Variants in NPTXR observed in about 807,000 individuals in gnomAD.
NPTXR encodes neuronal pentraxin receptor.
Under a neutral mutation model 32.2 loss-of-function variants are expected in NPTXR, and 12 were observed. The observed-to-expected ratio is 0.37, with a 90% CI of 0.24 to 0.60. The LOEUF is 0.60. Ranked by LOEUF, NPTXR falls within the 20% of genes least tolerant of loss-of-function variation. The pLI, the probability that NPTXR is intolerant of heterozygous loss-of-function variation, is 0.66. For missense variants in NPTXR, 612 were observed against 682.9 expected (o/e 0.90, Z 1.16); for synonymous variants, 323 against 315.8 (o/e 1.02, Z -0.24).
intron 3 of NPTXR, 88 bp from the exon 4 acceptor site, chr22:38,823,350 C>G: frequency 1.6e-6 from 2 of 1,253,026 alleles, no homozygotes; most frequent in Non-Finnish European, 2.2e-6. Context: ...TGGGGAGACC[C>G]ATGTCCATCC....
intron 1 of NPTXR, among the ~76,000 whole-genome samples, chr22:38,836,130 A>T (rs1352107943): frequency 6.6e-6 from 1 of 152,214 alleles, no homozygotes; most frequent in Non-Finnish European, 1.5e-5. Flanking sequence ...GAATGTTTTT[A>T]AAATGACCAT....
chr22:38,830,496 G>A (rs971789264), intron 1 of NPTXR, among the ~76,000 whole-genome samples: 3 of 152,180 alleles, frequency 2.0e-5, no homozygotes, highest in African/African-American at 7.2e-5. Flanking sequence ...ACTAGGGTGA[G>A]TTAACTAAGA....
At position 38,821,863 on chromosome 22, in the gene NPTXR, G is replaced by T. The variant is rs1271378102; in HGVS notation, c.*746C>A. The T allele has an allele frequency of 6.5e-6, 1 of 153,368 alleles. No homozygotes were observed. Among genetic ancestry groups the T allele is most frequent in the African/African-American group, 2.4e-5 (1 of 41,456 alleles). The allele number at this position is 153,368 out of a possible 1,614,324, so 9.5% of individuals were successfully genotyped here. A position where few individuals can be genotyped will look rare whatever the true frequency, so the allele number is the denominator to read the frequency against. ...TGGAGGGAGAGCGATGACTATACCA[G>T]TGGCCATCACTATGGGTGAGCACAA... On this transcript the variant is annotated 3_prime_UTR_variant, in exon 5 of 5. Transcript: ENST00000333039.
At position 38,843,121 on chromosome 22, in the gene NPTXR, G is replaced by T; in HGVS notation, c.624+114C>A. The T allele has an allele frequency of 3.7e-6, 4 of 1,067,824 alleles. No homozygotes were observed. The highest frequency in any genetic ancestry group is 3.6e-6 in the Non-Finnish European group (3 of 841,456). The allele number at this position is 1,067,824 out of a possible 1,614,324, so 66.1% of individuals were successfully genotyped here. Reference sequence around the variant, plus strand: ...CCCGCCTCGCCAGCGAGGAAGGCGCGATCGTCCCCGGAACACAGACGGGAG... The same window carrying T: ...CCCGCCTCGCCAGCGAGGAAGGCGCTATCGTCCCCGGAACACAGACGGGAG... On this transcript the variant is annotated intron_variant, in intron 1 of 4. Coordinates refer to ENST00000333039, the MANE Select transcript of NPTXR (RefSeq NM_014293.4). The surrounding 1 kb of genome is among the most constrained non-coding windows in gnomAD (Gnocchi z 5.3).
intron 1 of NPTXR, among the ~76,000 whole-genome samples, chr22:38,839,814 C>T (rs1344121323): frequency 6.6e-6 from 1 of 152,116 alleles, no homozygotes; most frequent in Admixed American, 6.5e-5. Flanking sequence ...TAGAAACAAC[C>T]TACATCTCCA....
chr22:38,843,312 GC>G lies in NPTXR; in HGVS notation c.546del (p.Trp184GlyfsTer32). ...AGAATGAGCGCAGGCGAGTCCCAGG[GC>G]CCGTCGGCCATGGTGTCGCGGCGGG... is the stretch of plus-strand genomic sequence containing the variant. On this transcript the variant is annotated frameshift_variant, in exon 1 of 5. Coordinates refer to ENST00000333039, the MANE Select transcript of NPTXR (RefSeq NM_014293.4). LOFTEE classifies it high-confidence loss of function. This position sits in a 1 kb window ranked among gnomAD's most constrained non-coding sequence, Gnocchi z 5.3. 1 of 1,428,896 alleles carries G rather than the reference GC, an allele frequency of 7.0e-7. No homozygotes were observed. The highest frequency in any genetic ancestry group is 1.4e-5 in the South Asian group (1 of 71,174). The allele number at this position is 1,428,896 out of a possible 1,614,324, so 88.5% of individuals were successfully genotyped here.
chr22:38,825,105 G>T (rs573435712), intron 3 of NPTXR, among the ~76,000 whole-genome samples: 28 of 152,178 alleles, frequency 1.8e-4, no homozygotes, highest in Non-Finnish European at 3.8e-4. Flanking sequence ...GTGATGAGAT[G>T]CTCCCCTTCC....
intron 1 of NPTXR, among the ~76,000 whole-genome samples, chr22:38,831,008 A>G (rs578096430): frequency 6.6e-6 from 1 of 151,868 alleles, no homozygotes; most frequent in African/African-American, 2.4e-5. Context: ...CTTACAGTGC[A>G]CTCCCCGCTT....
chr22:38,834,329 C>T lies in NPTXR; in HGVS notation c.625-5817G>A, dbSNP rs949225037. 1.3e-5 allele frequency among the ~76,000 whole-genome samples: 2 copies of T among 152,202 alleles called. No homozygotes were observed. Among genetic ancestry groups the T allele is most frequent in the Non-Finnish European group, 2.9e-5 (2 of 68,038 alleles). ...AGTCCCTGTCCTCCTGGCTTCAGCC[C>T]TTACCCCGACAGGACATAGGTCACG... On this transcript the variant is annotated intron_variant, in intron 1 of 4. Transcript: ENST00000333039. The surrounding 1 kb of genome is among the most constrained non-coding windows in gnomAD (Gnocchi z 4.4).
In NPTXR at chr22:38,843,344, G is replaced by C; in HGVS notation, c.515C>G (p.Ala172Gly). The C allele has an allele frequency of 7.1e-7, 1 of 1,412,334 alleles. No homozygotes were observed. The highest frequency in any genetic ancestry group is 1.5e-5 in the South Asian group (1 of 68,172). 87.5% of individuals were successfully genotyped at this position (1,412,334 alleles called of 1,614,324 possible). Residue 172 changes from alanine to glycine, a missense_variant, in exon 1 of 5, where the codon GCC becomes GGC. Physicochemically the swap from Ala to Gly is moderately conservative, Grantham distance 60 (BLOSUM62 0). Coordinates refer to ENST00000333039, the MANE Select transcript of NPTXR (RefSeq NM_014293.4). The surrounding 1 kb of genome is among the most constrained non-coding windows in gnomAD (Gnocchi z 5.3). Reference sequence around the variant, plus strand: ...GGCCATGGTGTCGCGGCGGGGCCCGGCGCCCTGGAGGCCGCGCGGCAGGCC... The same window carrying C: ...GGCCATGGTGTCGCGGCGGGGCCCGCCGCCCTGGAGGCCGCGCGGCAGGCC...
In NPTXR at chr22:38,834,964, C is replaced by T. The variant is rs2093121841; in HGVS notation, c.625-6452G>A. ...TCATGGTGCAGGCCCTGGAGCCAGA[C>T]TGCCTGGGTGGAAATGCCAGCTGAG... On this transcript the variant is annotated intron_variant, in intron 1 of 4. Transcript: ENST00000333039. This position sits in a 1 kb window ranked among gnomAD's most constrained non-coding sequence, Gnocchi z 4.4. 6.6e-6 allele frequency among the ~76,000 whole-genome samples: 1 copy of T among 152,238 alleles called. No individual in the cohort carries two copies. Among genetic ancestry groups the T allele is most frequent in the Non-Finnish European group, 1.5e-5 (1 of 68,048 alleles).
chr22:38,838,336 A>C (rs1846522017), intron 1 of NPTXR, among the ~76,000 whole-genome samples: 1 of 151,920 alleles, frequency 6.6e-6, no homozygotes, highest in African/African-American at 2.4e-5. Context: ...GAATGCGTTC[A>C]GCCTCTATCA....
In NPTXR at chr22:38,840,622, GGT is replaced by G. The variant is rs1381198542; in HGVS notation, c.624+2611_624+2612del. Among the ~76,000 whole-genome samples the G allele has an allele frequency of 5.9e-5, 9 of 152,266 alleles. No individual in the cohort carries two copies. The East Asian group carries it at 1.7e-3, about 29-fold the overall frequency. On this transcript the variant is annotated intron_variant, in intron 1 of 4. Coordinates refer to ENST00000333039, the MANE Select transcript of NPTXR (RefSeq NM_014293.4). ...CCTGGTTCAAGCTGAAACACAGTGTGGTTAGGGGGCTGATGGGACAACCAGAG... is the reference window on the plus strand; with the variant it reads ...CCTGGTTCAAGCTGAAACACAGTGTGTAGGGGGCTGATGGGACAACCAGAG...
rs538919790 is a variant in NPTXR at position 38,819,397 on chromosome 22, G to A, written c.*3212C>T. 6.5e-6 allele frequency: 1 copy of A among 152,722 alleles called. No homozygotes were observed. Among genetic ancestry groups the A allele is most frequent in the African/African-American group, 2.4e-5 (1 of 41,600 alleles). 9.5% of individuals were successfully genotyped at this position (152,722 alleles called of 1,614,324 possible). ...TTCACCAAGGGGACCCTGGCCCTGG[G>A]GCTGGCCCACCCCCTGCCTCTGTTC... On this transcript the variant is annotated 3_prime_UTR_variant, in exon 5 of 5. Transcript: ENST00000333039.
chr22:38,837,103 C>A (rs553110808), intron 1 of NPTXR, among the ~76,000 whole-genome samples: 1 of 152,204 alleles, frequency 6.6e-6, no homozygotes, highest in Admixed American at 6.5e-5. Context: ...CGTGAGCCAC[C>A]GCGCCCAGCC....
Position 38,822,426 on chromosome 22 carries a change from A to C in NPTXR, c.*183T>G. ...CGCTCCTCCCCACTCAGGTGGGGAC[A>C]GGGGACACACTCGCAGGGCAGGGCA... On this transcript the variant is annotated 3_prime_UTR_variant, in exon 5 of 5. Transcript: ENST00000333039. 1 of 609,716 alleles carries C rather than the reference A, an allele frequency of 1.6e-6. No homozygotes were observed. Among genetic ancestry groups the C allele is most frequent in the Non-Finnish European group, 2.9e-6 (1 of 341,110 alleles). 37.8% of individuals were successfully genotyped at this position (609,716 alleles called of 1,614,324 possible).
chr22:38,840,508 G>C (rs1490250262), intron 1 of NPTXR, among the ~76,000 whole-genome samples: 3 of 152,054 alleles, frequency 2.0e-5, no homozygotes, highest in Non-Finnish European at 4.4e-5. Flanking sequence ...CAGAGAGGAG[G>C]CTGCTGCAAG....
intron 1 of NPTXR, among the ~76,000 whole-genome samples, chr22:38,838,348 A>G (rs916936251): frequency 2.6e-5 from 4 of 152,068 alleles, no homozygotes; most frequent in Non-Finnish European, 4.4e-5. Context: ...CCTCTATCAT[A>G]GGACTGAAGA....
In NPTXR at chr22:38,826,631, T is replaced by A; in HGVS notation, c.967A>T (p.Met323Leu). 6.2e-7 allele frequency: 1 copy of A among 1,614,274 alleles called. No homozygotes were observed. Among genetic ancestry groups the A allele is most frequent in the Non-Finnish European group, 8.5e-7 (1 of 1,180,046 alleles). The change falls in exon 3 of 5, where the codon ATG (methionine) becomes TTG (leucine). Residue 323 changes from methionine (M) to leucine (L), a missense_variant. Physicochemically the swap from Met to Leu is conservative, Grantham distance 15 (BLOSUM62 2). Transcript: ENST00000333039. ...CCGCTGGACCTGGACCGCAGCCACATGCAGGCGGTGAATGCGTAGAGCTCG... is the reference window on the plus strand; with the variant it reads ...CCGCTGGACCTGGACCGCAGCCACAAGCAGGCGGTGAATGCGTAGAGCTCG...
Sources: gnomAD v4.1 joint callset for allele counts (sites outside exome capture counted in the v4.1 genomes callset) on GRCh38, gnomAD v4.1.1 for gene constraint, Gnocchi (gnomAD v3.1) non-coding constraint, MANE v1.5 for transcripts, NCBI Gene and HGNC (gene_info 2026-07-23, HGNC 2026-07-21) for gene names.